The following RNF150 variants were observed in gnomAD, a reference collection of about 807,000 sequenced individuals.
The protein encoded by RNF150 is ring finger protein 150.
RNF150 carries 24 observed loss-of-function variants against 39.3 expected under a neutral mutation model. The ratio of observed to expected loss-of-function variants is 0.61; its 90% CI spans 0.44 to 0.86. RNF150 has a LOEUF of 0.86. Among genes scored for constraint, RNF150 ranks in the 40% least tolerant of loss-of-function variants. RNF150 has a pLI of 0.00. For missense variants in RNF150, 502 were observed against 587.8 expected (o/e 0.85, Z 1.51); for synonymous variants, 255 against 227.3 (o/e 1.12, Z -1.10).
intron 5 of RNF150, among the ~76,000 whole-genome samples, chr4:140,925,333 T>C (rs1162534998): frequency 6.6e-6 from 1 of 152,230 alleles, no homozygotes; most frequent in Non-Finnish European, 1.5e-5. Context: ...GCCAGCTGGC[T>C]GATTCTCTTT....
At chr4:140,918,284 T>G (rs1056708536) in intron 5 of RNF150, among the ~76,000 whole-genome samples, 6 of 152,104 alleles carry the variant, frequency 3.9e-5, no homozygotes, top group Non-Finnish European at 8.8e-5. Flanking sequence ...ACGAAATTGA[T>G]AGACCACTAG....
chr4:140,928,581 C>G (rs1731488909), intron 4 of RNF150, among the ~76,000 whole-genome samples: 1 of 152,218 alleles, frequency 6.6e-6, no homozygotes, highest in Admixed American at 6.5e-5. Flanking sequence ...GAGTCTCGCT[C>G]TGTCACCCAG....
At chr4:140,948,952 T>C (rs1361798338) in intron 3 of RNF150, among the ~76,000 whole-genome samples, 1 of 152,226 alleles carries the variant, frequency 6.6e-6, no homozygotes, top group Non-Finnish European at 1.5e-5. Context: ...ACCTGAATAT[T>C]GTTTCCTTTG....
intron 1 of RNF150, among the ~76,000 whole-genome samples, chr4:141,086,851 G>A (rs541476837): frequency 1.3e-5 from 2 of 152,136 alleles, no homozygotes; most frequent in South Asian, 2.1e-4. Flanking sequence ...AGCTGAACAG[G>A]AGGCCAAGGA....
At chr4:141,192,634 T>TTCTAAG (rs1728128291) in intron 1 of RNF150, among the ~76,000 whole-genome samples, 1 of 151,656 alleles carries the variant, frequency 6.6e-6, no homozygotes, top group South Asian at 2.1e-4. Flanking sequence ...TGTAGGAGAG[T>TTCTAAG]TCTAAGGTGG....
Position 140,899,944 on chromosome 4 carries a change from T to TTCTCTCTCTCTCTCTCTCTC in RNF150, c.1198+11180_1198+11199dup, listed in dbSNP as rs60297205. 4.7e-3 allele frequency among the ~76,000 whole-genome samples: 519 copies of TTCTCTCTCTCTCTCTCTCTC among 109,972 alleles called. 13 individuals are homozygous for TTCTCTCTCTCTCTCTCTCTC. Among genetic ancestry groups the TTCTCTCTCTCTCTCTCTCTC allele is most frequent in the East Asian group, 0.027 (74 of 2,746 alleles). 72.1% of individuals were successfully genotyped at this position (109,972 alleles called of 152,430 possible). On this transcript the variant is annotated intron_variant, in intron 6 of 6. Transcript: ENST00000515673. ...ATCCTAGTAGGTTCTCTCTCTCACT[T>TTCTCTCTCTCTCTCTCTCTC]TCTCTCTCTCTCTCTCTCTCTCTCT...
At chr4:140,872,158 G>A (rs942461419) in intron 6 of RNF150, among the ~76,000 whole-genome samples, 3 of 152,052 alleles carry the variant, frequency 2.0e-5, no homozygotes, top group Non-Finnish European at 4.4e-5. Context: ...ACAATAATAC[G>A]AATGAAAACT....
intron 4 of RNF150, among the ~76,000 whole-genome samples, chr4:140,929,843 A>G (rs1421407021): frequency 6.6e-6 from 1 of 152,114 alleles, no homozygotes; most frequent in Non-Finnish European, 1.5e-5. Flanking sequence ...CAATCATTTG[A>G]ACGATCTTAA....
At chr4:141,149,039 T>C (rs1727251407) in intron 1 of RNF150, among the ~76,000 whole-genome samples, 1 of 152,182 alleles carries the variant, frequency 6.6e-6, no homozygotes, top group Non-Finnish European at 1.5e-5. Flanking sequence ...AAGCTCACAG[T>C]GTGGTACTGA....
At chr4:141,159,248 G>A (rs1399100359) in intron 1 of RNF150, among the ~76,000 whole-genome samples, 4 of 152,122 alleles carry the variant, frequency 2.6e-5, no homozygotes, top group Admixed American at 6.6e-5. Context: ...AATCTAATTC[G>A]CCATTGTAGC....
At chr4:141,037,576 T>C (rs1736193402) in intron 1 of RNF150, among the ~76,000 whole-genome samples, 1 of 152,162 alleles carries the variant, frequency 6.6e-6, no homozygotes. Flanking sequence ...CCCAATAAAA[T>C]AATATCATTT....
At chr4:141,074,321 C>T (rs778885476) in intron 1 of RNF150, among the ~76,000 whole-genome samples, 48 of 150,782 alleles carry the variant, frequency 3.2e-4, no homozygotes, top group Admixed American at 2.7e-4. Flanking sequence ...ATATGCCTGG[C>T]CACTAGATAA....
intron 6 of RNF150, among the ~76,000 whole-genome samples, chr4:140,893,555 T>C (rs890490752): frequency 2.0e-5 from 3 of 152,220 alleles, no homozygotes. Flanking sequence ...ATTCCTGCTC[T>C]TTCCAACTCC....
intron 1 of RNF150, among the ~76,000 whole-genome samples, chr4:141,009,461 T>G (rs2110740698): frequency 6.6e-6 from 1 of 152,346 alleles, no homozygotes; most frequent in South Asian, 2.1e-4. Context: ...TTAGTGTGTG[T>G]TGTCTCCATC....
intron 1 of RNF150, among the ~76,000 whole-genome samples, chr4:141,156,734 T>TTA (rs1553951686): frequency 2.1e-5 from 2 of 96,634 alleles, no homozygotes; most frequent in Non-Finnish European, 3.8e-5. Context: ...TCTCTACTAC[T>TTA]AAAAAAAAAA....
intron 6 of RNF150, among the ~76,000 whole-genome samples, chr4:140,904,665 G>A (rs1730311651): frequency 6.6e-6 from 1 of 152,178 alleles, no homozygotes; most frequent in Non-Finnish European, 1.5e-5. Context: ...ATGTAGCAAA[G>A]TGTAGCTGCA....
intron 1 of RNF150, among the ~76,000 whole-genome samples, chr4:141,180,581 A>G (rs1448637205): frequency 6.6e-6 from 1 of 151,968 alleles, no homozygotes; most frequent in Non-Finnish European, 1.5e-5. Context: ...ATATTATAGC[A>G]TCAAAACTGC....
chr4:141,066,470 T>G (rs1232276335), intron 1 of RNF150, among the ~76,000 whole-genome samples: 1 of 152,202 alleles, frequency 6.6e-6, no homozygotes, highest in Non-Finnish European at 1.5e-5. Flanking sequence ...ATATAATTTT[T>G]CAGTGAGTTT....
chr4:141,132,121 T>TC lies in RNF150; in HGVS notation c.484+203dup, dbSNP rs1726906956. 6.6e-6 allele frequency among the ~76,000 whole-genome samples: 1 copy of TC among 152,092 alleles called. No individual in the cohort carries two copies. The highest frequency in any genetic ancestry group is 2.4e-5 in the African/African-American group (1 of 41,426). Reference sequence around the variant, plus strand: ...CGCTATGCCAAGCTCTCCGGCAGCCTCTCCCCTACCCAATACAGTTAATCT... The same window carrying TC: ...CGCTATGCCAAGCTCTCCGGCAGCCTCCTCCCCTACCCAATACAGTTAATCT... On this transcript the variant is annotated intron_variant, in intron 1 of 6. Coordinates refer to ENST00000515673, the MANE Select transcript of RNF150 (RefSeq NM_020724.2). This position sits in a 1 kb window ranked among gnomAD's most constrained non-coding sequence, Gnocchi z 4.9.
Sources: gnomAD v4.1 joint callset for allele counts (sites outside exome capture counted in the v4.1 genomes callset) on GRCh38, gnomAD v4.1.1 for gene constraint, Gnocchi (gnomAD v3.1) non-coding constraint, MANE v1.5 for transcripts, NCBI Gene and HGNC (gene_info 2026-07-23, HGNC 2026-07-21) for gene names.